MAGI2: variants seen among roughly 807,000 people sequenced by gnomAD.
MAGI2 encodes the protein membrane associated guanylate kinase, WW and PDZ domain containing 2.
MAGI2 carries 35 observed loss-of-function variants against 133.3 expected under a neutral mutation model. That is an observed-to-expected ratio of 0.26 (90% confidence interval 0.20 to 0.35). The LOEUF is 0.35. MAGI2 is among the 10% of genes least tolerant of loss of function. The pLI is 1.00. For synonymous variants in MAGI2, 729 were observed against 710.6 expected (o/e 1.03, Z -0.41); for missense variants, 1,636 against 1,863.4 (o/e 0.88, Z 2.25).
At chr7:78,378,795 T>G (rs1264152313) in intron 6 of MAGI2, among the ~76,000 whole-genome samples, 1 of 152,006 alleles carries the variant, frequency 6.6e-6, no homozygotes, top group Non-Finnish European at 1.5e-5. Context: ...CACATTTAAT[T>G]GTAGATCTAA....
chr7:78,337,038 A>T (rs1789844323), intron 9 of MAGI2, among the ~76,000 whole-genome samples: 1 of 152,140 alleles, frequency 6.6e-6, no homozygotes, highest in Non-Finnish European at 1.5e-5. Flanking sequence ...CCTAGGGAAA[A>T]ACACAAAACA....
chr7:78,878,236 C>T (rs1238619497), intron 2 of MAGI2, among the ~76,000 whole-genome samples: 2 of 152,078 alleles, frequency 1.3e-5, no homozygotes, highest in African/African-American at 2.4e-5. Context: ...CATACAAGGC[C>T]CTCTCATACT....
intron 4 of MAGI2, among the ~76,000 whole-genome samples, chr7:78,509,055 T>C (rs1435351561): frequency 6.6e-6 from 1 of 152,156 alleles, no homozygotes; most frequent in Non-Finnish European, 1.5e-5. Context: ...GAACAGACTT[T>C]ATCAAACACT....
At chr7:78,455,910 T>G (rs939452265) in intron 6 of MAGI2, among the ~76,000 whole-genome samples, 4 of 152,066 alleles carry the variant, frequency 2.6e-5, no homozygotes, top group Non-Finnish European at 5.9e-5. Context: ...TACCCTAATG[T>G]TTTTTCCCAT....
intron 1 of MAGI2, among the ~76,000 whole-genome samples, chr7:79,271,119 T>C (rs974156827): frequency 6.6e-6 from 1 of 152,124 alleles, no homozygotes; most frequent in African/African-American, 2.4e-5. Context: ...AGCTCTGTGC[T>C]AATAAGTTGC....
At chr7:78,023,224 A>G (rs1808585950) in intron 21 of MAGI2, among the ~76,000 whole-genome samples, 2 of 152,222 alleles carry the variant, frequency 1.3e-5, no homozygotes, top group South Asian at 4.1e-4. Context: ...TGTGCTGGAC[A>G]GGAAGAGCCC....
At chr7:78,655,598 C>T (rs937194212) in intron 2 of MAGI2, among the ~76,000 whole-genome samples, 1 of 152,000 alleles carries the variant, frequency 6.6e-6, no homozygotes, top group African/African-American at 2.4e-5. Context: ...AGTAAGTTTG[C>T]CCCTTTCCAT....
chr7:78,947,297 C>T (rs550871225), intron 2 of MAGI2, among the ~76,000 whole-genome samples: 5 of 152,196 alleles, frequency 3.3e-5, no homozygotes, highest in East Asian at 3.9e-4. Context: ...CACCCAAATA[C>T]GTGACACATT....
chr7:79,219,863 T>C (rs1221530631), intron 1 of MAGI2, among the ~76,000 whole-genome samples: 1 of 152,044 alleles, frequency 6.6e-6, no homozygotes, highest in Non-Finnish European at 1.5e-5. Context: ...TAAAAATATT[T>C]GGCCACTAAA....
chr7:79,419,683 A>AGATTATAC (rs1285294680), intron 1 of MAGI2, among the ~76,000 whole-genome samples: 21 of 152,208 alleles, frequency 1.4e-4, no homozygotes, highest in African/African-American at 5.1e-4. Flanking sequence ...CTATGTATTA[A>AGATTATAC]AAGCCAACAT....
chr7:79,109,517 T>C (rs1818734554), intron 1 of MAGI2, among the ~76,000 whole-genome samples: 1 of 152,224 alleles, frequency 6.6e-6, no homozygotes, highest in Non-Finnish European at 1.5e-5. Context: ...AGCTGTAGCC[T>C]GACTGCTTTT....
At chr7:78,681,618 C>A (rs1171590749) in intron 2 of MAGI2, among the ~76,000 whole-genome samples, 1 of 152,088 alleles carries the variant, frequency 6.6e-6, no homozygotes, top group African/African-American at 2.4e-5. Context: ...GTAATATATG[C>A]TGCCATATAC....
chr7:78,591,775 T>C (rs1430055164), intron 3 of MAGI2, among the ~76,000 whole-genome samples: 3 of 152,134 alleles, frequency 2.0e-5, no homozygotes, highest in Non-Finnish European at 4.4e-5. Flanking sequence ...TTCCCAAATG[T>C]AAATAGGCTA....
At chr7:78,690,723 A>G (rs1246549744) in intron 2 of MAGI2, among the ~76,000 whole-genome samples, 1 of 152,206 alleles carries the variant, frequency 6.6e-6, no homozygotes, top group African/African-American at 2.4e-5. Flanking sequence ...ATAAGAGTAA[A>G]AACATTACTA....
chr7:79,204,814 A>T (rs1828905806), intron 1 of MAGI2, among the ~76,000 whole-genome samples: 1 of 152,046 alleles, frequency 6.6e-6, no homozygotes, highest in South Asian at 2.1e-4. Flanking sequence ...CATAGATTAA[A>T]AATACAATGA....
intron 3 of MAGI2, among the ~76,000 whole-genome samples, chr7:78,573,804 T>C (rs1487143664): frequency 6.6e-6 from 1 of 152,046 alleles, no homozygotes; most frequent in Non-Finnish European, 1.5e-5. Flanking sequence ...ATTGGAGGGT[T>C]CCCATTGCCA....
At chr7:79,228,696 T>C (rs1241107456) in intron 1 of MAGI2, among the ~76,000 whole-genome samples, 1 of 152,156 alleles carries the variant, frequency 6.6e-6, no homozygotes, top group Non-Finnish European at 1.5e-5. Flanking sequence ...TTGTGATTGT[T>C]TGGGCCATAT....
At position 79,359,853 on chromosome 7, in the gene MAGI2, C is replaced by T. The variant is rs184078037; in HGVS notation, c.301+93167G>A. Among the ~76,000 whole-genome samples the T allele has an allele frequency of 5.3e-5, 8 of 152,116 alleles. No homozygotes were observed. The East Asian group carries it at 1.5e-3, about 29-fold the overall frequency. On this transcript the variant is annotated intron_variant, in intron 1 of 21. Coordinates refer to ENST00000354212, the MANE Select transcript of MAGI2 (RefSeq NM_012301.4). ...AGCTGACCAACCCTTAACCCTTTTCCCATTTAGAAAAAAAAGAAAAGTGCA... is the reference window on the plus strand; with the variant it reads ...AGCTGACCAACCCTTAACCCTTTTCTCATTTAGAAAAAAAAGAAAAGTGCA...
intron 1 of MAGI2, among the ~76,000 whole-genome samples, chr7:79,359,713 C>CACAG (rs773715152): frequency 7.4e-6 from 1 of 135,518 alleles, no homozygotes. Context: ...CACACACACA[C>CACAG]AGAAAACAAA....
Sources: allele counts gnomAD v4.1 joint callset (sites outside exome capture counted in the v4.1 genomes callset), GRCh38; gene constraint gnomAD v4.1.1; transcripts MANE v1.5; gene names NCBI Gene and HGNC (gene_info 2026-07-23, HGNC 2026-07-21).